Variants in ERICH6 observed in about 807,000 individuals in gnomAD.
ERICH6 encodes glutamate rich 6.
A neutral mutation model predicts 71.0 loss-of-function variants in ERICH6; 71 were observed. The observed-to-expected ratio is 1.00, with a 90% CI of 0.83 to 1.22. The LOEUF (loss-of-function observed/expected upper bound fraction) is 1.22. Ranked by LOEUF, ERICH6 falls within the 50% of genes most tolerant of loss-of-function variation. The pLI is 0.00. For missense variants in ERICH6, 808 were observed against 797.2 expected (o/e 1.01, Z -0.16); for synonymous variants, 262 against 278.4 (o/e 0.94, Z 0.59).
rs199602127 is a variant in ERICH6, at chr3:150,666,822, G to A, written c.1693C>T (p.Gln565Ter). 6.2e-7 allele frequency: 1 copy of A among 1,614,096 alleles called. No individual in the cohort carries two copies. The highest frequency in any genetic ancestry group is 8.5e-7 in the Non-Finnish European group (1 of 1,180,002). ...GTTCCAACACTGATTCTTGCCTGTT[G>A]GCCCATTGCTAGAAAAGTTATAGAA... ...KISITFLAMG[Q>*]QARISVGTKV... The change falls in exon 13 of 14, where the codon CAA (glutamine) becomes TAA (stop). Residue 565 changes from glutamine (Q) to a stop codon, truncating the protein, a stop_gained. Coordinates refer to ENST00000295910, the MANE Select transcript of ERICH6 (RefSeq NM_152394.5). LOFTEE classifies it low-confidence loss of function (END_TRUNC).
intron 3 of ERICH6, among the ~76,000 whole-genome samples, chr3:150,698,452 A>G (rs1361692506): frequency 6.6e-6 from 1 of 152,244 alleles, no homozygotes; most frequent in East Asian, 1.9e-4. Flanking sequence ...TGACATTTAA[A>G]AAGTGTGCAT....
At chr3:150,689,969 G>A (rs1441167469) in intron 3 of ERICH6, among the ~76,000 whole-genome samples, 1 of 152,076 alleles carries the variant, frequency 6.6e-6, no homozygotes, top group South Asian at 2.1e-4. Context: ...GGTTACTCTT[G>A]GGTTTTTTAA....
intron 6 of ERICH6, among the ~76,000 whole-genome samples, chr3:150,685,248 G>C (rs933330458): frequency 6.6e-6 from 1 of 152,192 alleles, no homozygotes; most frequent in African/African-American, 2.4e-5. Context: ...AATACAGTCT[G>C]TGCAAATGTA....
At position 150,686,292 on chromosome 3, in the gene ERICH6, A is replaced by G; in HGVS notation, c.610+6T>C. The G allele has an allele frequency of 6.2e-7, 1 of 1,613,998 alleles. No individual in the cohort carries two copies. The highest frequency in any genetic ancestry group is 8.5e-7 in the Non-Finnish European group (1 of 1,179,914). On this transcript the variant is annotated splice_donor_region_variant and intron_variant, in intron 4 of 13. Coordinates refer to ENST00000295910, the MANE Select transcript of ERICH6 (RefSeq NM_152394.5). ...CAAAAGGAGATGATGCCAAACATGTATTTACCTCTTAACTTAGATGCCAGA... is the reference window on the plus strand; with the variant it reads ...CAAAAGGAGATGATGCCAAACATGTGTTTACCTCTTAACTTAGATGCCAGA...
chr3:150,665,222 T>C (rs997293511), intron 13 of ERICH6, among the ~76,000 whole-genome samples: 1 of 152,192 alleles, frequency 6.6e-6, no homozygotes, highest in South Asian at 2.1e-4. Flanking sequence ...CCTCGCTCTA[T>C]GTTGCCTGAA....
chr3:150,703,740 C>CTCCTCCACCACCTCT lies in ERICH6; in HGVS notation c.158_159insAGAGGTGGTGGAGGA (p.Val55_Glu59dup), dbSNP rs1713044201. 7.4e-7 allele frequency: 1 copy of CTCCTCCACCACCTCT among 1,354,430 alleles called. No individual in the cohort carries two copies. The highest frequency in any genetic ancestry group is 1.6e-5 in the African/African-American group (1 of 61,316). 83.9% of individuals were successfully genotyped at this position (1,354,430 alleles called of 1,614,324 possible). ...CCACCAACTCCTCCTCCACCACCTC[C>CTCCTCCACCACCTCT]TCCTCCTCCTCCTCCACCTCTTCCT... On this transcript the variant is annotated inframe_insertion, in exon 1 of 14. Transcript: ENST00000295910.
intron 11 of ERICH6, among the ~76,000 whole-genome samples, chr3:150,673,126 CCTT>C: frequency 6.7e-6 from 1 of 150,190 alleles, no homozygotes; most frequent in Non-Finnish European, 1.5e-5. Flanking sequence ...TTCCTTCCTT[CCTT>C]CTTCCTTCCT....
At chr3:150,696,654 G>A (rs577055959) in intron 3 of ERICH6, among the ~76,000 whole-genome samples, 6 of 152,116 alleles carry the variant, frequency 3.9e-5, no homozygotes, top group Admixed American at 1.3e-4. Context: ...GAAGATAATC[G>A]AGTGACCAAA....
chr3:150,671,499 C>A (rs1711501464), intron 11 of ERICH6, among the ~76,000 whole-genome samples: 1 of 152,182 alleles, frequency 6.6e-6, no homozygotes, highest in African/African-American at 2.4e-5. Context: ...AAATTGTCCA[C>A]CACTCATGGG....
chr3:150,662,822 C>T (rs1049623750), intron 13 of ERICH6, among the ~76,000 whole-genome samples: 3 of 152,014 alleles, frequency 2.0e-5, no homozygotes, highest in Non-Finnish European at 4.4e-5. Context: ...AAGGACGCTG[C>T]GCAGAAGCCT....
chr3:150,679,765 C>T (rs1711821900), intron 9 of ERICH6, among the ~76,000 whole-genome samples: 1 of 152,060 alleles, frequency 6.6e-6, no homozygotes, highest in Non-Finnish European at 1.5e-5. Flanking sequence ...TCAGGTGATT[C>T]TCCTGCCTCA....
chr3:150,677,616 C>G (rs569263941), intron 10 of ERICH6, among the ~76,000 whole-genome samples: 3 of 152,066 alleles, frequency 2.0e-5, no homozygotes, highest in South Asian at 2.1e-4. Context: ...CTGCCTCAGC[C>G]CCCCCAAGTG....
At chr3:150,676,271 C>T (rs1378599772) in intron 10 of ERICH6, among the ~76,000 whole-genome samples, 1 of 152,010 alleles carries the variant, frequency 6.6e-6, no homozygotes, top group Non-Finnish European at 1.5e-5. Context: ...TTTTTCATTT[C>T]AGCTGTTGCA....
intron 11 of ERICH6, among the ~76,000 whole-genome samples, chr3:150,673,280 C>T (rs1454308869): frequency 2.0e-5 from 3 of 150,710 alleles, no homozygotes; most frequent in African/African-American, 2.4e-5. Flanking sequence ...CTTGACCCCT[C>T]GGGCTCAAGC....
chr3:150,662,118 CAT>C (rs1223741365), intron 13 of ERICH6, among the ~76,000 whole-genome samples: 17 of 152,154 alleles, frequency 1.1e-4, no homozygotes, highest in African/African-American at 4.1e-4. Flanking sequence ...AGGAATAACA[CAT>C]GTTGATAACA....
intron 9 of ERICH6, among the ~76,000 whole-genome samples, chr3:150,679,458 TCAG>T (rs1711807372): frequency 6.6e-6 from 1 of 152,138 alleles, no homozygotes; most frequent in Non-Finnish European, 1.5e-5. Flanking sequence ...AAGTATCTTT[TCAG>T]TAGCTCTGGG....
Position 150,669,277 on chromosome 3 carries a change from C to T in ERICH6, c.1499+19G>A. The T allele has an allele frequency of 3.2e-6, 5 of 1,561,018 alleles. No homozygotes were observed. The highest frequency in any genetic ancestry group is 4.3e-6 in the Non-Finnish European group (5 of 1,157,232). On this transcript the variant is annotated intron_variant, in intron 12 of 13. Coordinates refer to ENST00000295910, the MANE Select transcript of ERICH6 (RefSeq NM_152394.5). ...AACAAAAGCCACAAAATGGCAGCAG[C>T]AGGAACCTAGAAGCTTACCAGACAT...
At chr3:150,678,347 A>G in intron 10 of ERICH6, 62 bp downstream of exon 10, 1 of 1,479,444 alleles carries the variant, frequency 6.8e-7, no homozygotes, top group Non-Finnish European at 9.0e-7. Flanking sequence ...GAAAGACTTT[A>G]TAATTTTAGG....
intron 7 of ERICH6, 65 bp downstream of exon 7, chr3:150,682,153 A>G (rs1711987490): frequency 7.3e-7 from 1 of 1,369,532 alleles, no homozygotes; most frequent in Non-Finnish European, 1.0e-6. Context: ...GAAAGATGCA[A>G]GAGAAAATAC....
Sources: allele counts gnomAD v4.1 joint callset (sites outside exome capture counted in the v4.1 genomes callset), GRCh38; gene constraint gnomAD v4.1.1; transcripts MANE v1.5; gene names NCBI Gene and HGNC (gene_info 2026-07-23, HGNC 2026-07-21).